The following NAB1 variants were observed in gnomAD, a reference collection of about 807,000 sequenced individuals.
NAB1 encodes the protein NGFI-A binding protein 1, also known as NGFI-A-binding protein 1.
NAB1 carries 25 observed loss-of-function variants against 49.9 expected under a neutral mutation model. The observed-to-expected ratio is 0.50, with a 90% CI of 0.37 to 0.70. NAB1 has a LOEUF of 0.70. Among genes scored for constraint, NAB1 ranks in the 30% least tolerant of loss-of-function variants. The probability of loss-of-function intolerance (pLI) is 0.00; values close to 1 mark genes in which losing one functional copy is unlikely to be tolerated. For synonymous variants in NAB1, 198 were observed against 215.6 expected (o/e 0.92, Z 0.71); for missense variants, 489 against 575.9 (o/e 0.85, Z 1.54).
In NAB1 at chr2:190,685,410, A is replaced by G; in HGVS notation, c.1096-66A>G. On this transcript the variant is annotated intron_variant, in intron 7 of 9. Coordinates refer to ENST00000337386, the MANE Select transcript of NAB1 (RefSeq NM_005966.4). This position sits in a 1 kb window ranked among gnomAD's most constrained non-coding sequence, Gnocchi z 4.5. ...ATATTTGCTGGAGTCTGAAATTGGC[A>G]TCTTTAAACCATTAAAAAATCTAGA... The G allele has an allele frequency of 7.1e-7, 1 of 1,405,122 alleles. No individual in the cohort carries two copies. The highest frequency in any genetic ancestry group is 9.5e-7 in the Non-Finnish European group (1 of 1,051,182). 87.0% of individuals were successfully genotyped at this position (1,405,122 alleles called of 1,614,324 possible).
At chr2:190,672,992 G>C in intron 5 of NAB1, 109 bp from the exon 6 acceptor site, 2 of 853,896 alleles carry the variant, frequency 2.3e-6, no homozygotes, top group Non-Finnish European at 3.7e-6. Context: ...TCTGGTGTTG[G>C]AGTTTCAGGG....
At chr2:190,650,462 A>G (rs1693606749) in intron 2 of NAB1, among the ~76,000 whole-genome samples, 1 of 152,240 alleles carries the variant, frequency 6.6e-6, no homozygotes, top group Non-Finnish European at 1.5e-5. Context: ...CGAATTTAAA[A>G]TAGATTAGTC....
rs547731200 is a variant in NAB1 at position 190,663,500 on chromosome 2, A to G, written c.819+3505A>G. 5.9e-5 allele frequency among the ~76,000 whole-genome samples: 9 copies of G among 152,328 alleles called. No individual in the cohort carries two copies. The South Asian group carries it at 1.2e-3, about 21-fold the overall frequency. On this transcript the variant is annotated intron_variant, in intron 4 of 9. Transcript: ENST00000337386. This position sits in a 1 kb window ranked among gnomAD's most constrained non-coding sequence, Gnocchi z 4.2. ...TGTTTGTGGCTGATTTTGAGCTACA[A>G]TGGTGAGTTAAGTAGTTGTGACACA... is the stretch of plus-strand genomic sequence containing the variant.
rs1385868353 is a variant in NAB1 at position 190,689,468 on chromosome 2, A to G, written c.1376-777A>G. Among the ~76,000 whole-genome samples the G allele has an allele frequency of 6.6e-6, 1 of 152,194 alleles. No homozygotes were observed. The highest frequency in any genetic ancestry group is 1.5e-5 in the Non-Finnish European group (1 of 68,028). On this transcript the variant is annotated intron_variant, in intron 9 of 9. Transcript: ENST00000337386. The surrounding 1 kb of genome is among the most constrained non-coding windows in gnomAD (Gnocchi z 4.3). ...AAATTGAGCTATTTAATTTCAGATAAGCTATTAGTATTGATTACTTTCTAG... is the reference window on the plus strand; with the variant it reads ...AAATTGAGCTATTTAATTTCAGATAGGCTATTAGTATTGATTACTTTCTAG...
intron 9 of NAB1, 54 bp downstream of exon 9, chr2:190,687,371 A>G: frequency 1.2e-6 from 1 of 845,968 alleles, no homozygotes; most frequent in African/African-American, 2.0e-5. Context: ...GCATCTTTAA[A>G]TTCTGTTCTA....
In NAB1 at chr2:190,685,981, A is replaced by G. The variant is rs979768240; in HGVS notation, c.1258+343A>G. Among the ~76,000 whole-genome samples the G allele has an allele frequency of 1.3e-5, 2 of 148,254 alleles. No homozygotes were observed. The highest frequency in any genetic ancestry group is 2.6e-5 in the African/African-American group (1 of 38,160). The stretch of plus-strand genomic sequence containing the variant: ...ATCCTTTTTAAATGACCAAAACTTC[A>G]TATTTTTTTAGACTTCAAAAACAAG... On this transcript the variant is annotated intron_variant, in intron 8 of 9. Transcript: ENST00000337386. This position sits in a 1 kb window ranked among gnomAD's most constrained non-coding sequence, Gnocchi z 4.5.
Position 190,663,673 on chromosome 2 carries a change from CTT to C in NAB1, c.819+3679_819+3680del, listed in dbSNP as rs1312329607. Among the ~76,000 whole-genome samples, 2 of 152,138 alleles carry C rather than the reference CTT, an allele frequency of 1.3e-5. No homozygotes were observed. The highest frequency in any genetic ancestry group is 2.9e-5 in the Non-Finnish European group (2 of 68,022). ...ACACGTGTATATATTTGTCTCCTCTCTTAGTTATTTTATTGTTCTTATCTAAC... is the reference window on the plus strand; with the variant it reads ...ACACGTGTATATATTTGTCTCCTCTCAGTTATTTTATTGTTCTTATCTAAC... On this transcript the variant is annotated intron_variant, in intron 4 of 9. Coordinates refer to ENST00000337386, the MANE Select transcript of NAB1 (RefSeq NM_005966.4). The surrounding 1 kb of genome is among the most constrained non-coding windows in gnomAD (Gnocchi z 4.2).
At chr2:190,661,362 A>G (rs1463432186) in intron 4 of NAB1, among the ~76,000 whole-genome samples, 1 of 152,232 alleles carries the variant, frequency 6.6e-6, no homozygotes, top group Non-Finnish European at 1.5e-5. Context: ...GAACCAGTAG[A>G]GGAATCCACT....
chr2:190,661,660 G>A (rs893052369), intron 4 of NAB1, among the ~76,000 whole-genome samples: 2 of 152,122 alleles, frequency 1.3e-5, no homozygotes, highest in Non-Finnish European at 2.9e-5. Flanking sequence ...CTTTAGATAA[G>A]TAGGTACATA....
At position 190,692,559 on chromosome 2, in the gene NAB1, T is replaced by C. The variant is rs1695977759; in HGVS notation, c.*2226T>C. On this transcript the variant is annotated 3_prime_UTR_variant, in exon 10 of 10. Transcript: ENST00000337386. The surrounding 1 kb of genome is among the most constrained non-coding windows in gnomAD (Gnocchi z 5.2). The stretch of plus-strand genomic sequence containing the variant: ...TGAATTGGAAGTTATAATTAGTTGA[T>C]TTTTTCATTTTGTTAGAGGTATTTT... The C allele has an allele frequency of 6.6e-6, 1 of 152,662 alleles. No individual in the cohort carries two copies. The highest frequency in any genetic ancestry group is 2.4e-5 in the African/African-American group (1 of 41,472). The allele number at this position is 152,662 out of a possible 1,614,324, so 9.5% of individuals were successfully genotyped here.
chr2:190,652,619 T>C lies in NAB1; in HGVS notation c.-197+2637T>C, dbSNP rs1693726532. Among the ~76,000 whole-genome samples the C allele has an allele frequency of 6.6e-6, 1 of 152,204 alleles. No homozygotes were observed. The highest frequency in any genetic ancestry group is 1.5e-5 in the Non-Finnish European group (1 of 68,032). On this transcript the variant is annotated intron_variant, in intron 2 of 9. Transcript: ENST00000337386. This position sits in a 1 kb window ranked among gnomAD's most constrained non-coding sequence, Gnocchi z 4.2. Reference sequence around the variant, plus strand: ...AGAAACGAATCAATAAGAGACAACATTTTAAGTTTCCCAAATTACAGTCAA... The same window carrying C: ...AGAAACGAATCAATAAGAGACAACACTTTAAGTTTCCCAAATTACAGTCAA...
At position 190,659,151 on chromosome 2, in the gene NAB1, TTG is replaced by T. The variant is rs1214081705; in HGVS notation, c.-19-6_-19-5del. On this transcript the variant is annotated splice_region_variant and splice_polypyrimidine_tract_variant and intron_variant, in intron 3 of 9. Transcript: ENST00000337386. This position sits in a 1 kb window ranked among gnomAD's most constrained non-coding sequence, Gnocchi z 6.2. ...TGAGTTTTTACTTTTTTTTTTTTTT[TTG>T]GCAGGTTAAACCCATCCAGAGTAAT... is the stretch of plus-strand genomic sequence containing the variant. The T allele has an allele frequency of 6.6e-6, 10 of 1,507,892 alleles. No individual in the cohort carries two copies. Among genetic ancestry groups the T allele is most frequent in the Admixed American group, 2.3e-5 (1 of 43,972 alleles). 93.4% of individuals were successfully genotyped at this position (1,507,892 alleles called of 1,614,324 possible).
In NAB1 at chr2:190,686,773, T is replaced by G. The variant is rs1055551430; in HGVS notation, c.1259-428T>G. Among the ~76,000 whole-genome samples, 5 of 152,106 alleles carry G rather than the reference T, an allele frequency of 3.3e-5. No homozygotes were observed. The highest frequency in any genetic ancestry group is 1.2e-4 in the African/African-American group (5 of 41,414). ...CCATATTTGTGCTAAATCTGTTTTT[T>G]CACGGATTTTGCTGTAGTTTTTTTT... is the stretch of plus-strand genomic sequence containing the variant. On this transcript the variant is annotated intron_variant, in intron 8 of 9. Coordinates refer to ENST00000337386, the MANE Select transcript of NAB1 (RefSeq NM_005966.4). This position sits in a 1 kb window ranked among gnomAD's most constrained non-coding sequence, Gnocchi z 5.5.
intron 5 of NAB1, among the ~76,000 whole-genome samples, chr2:190,671,558 C>CA (rs1694806040): frequency 1.3e-5 from 2 of 151,646 alleles, no homozygotes; most frequent in Admixed American, 6.6e-5. Flanking sequence ...TTGTATTATA[C>CA]ACTATTTTCT....
At position 190,651,498 on chromosome 2, in the gene NAB1, T is replaced by G. The variant is rs1693666819; in HGVS notation, c.-197+1516T>G. Reference sequence around the variant, plus strand: ...GGGACATCTTTGATGAATTTGTTAATGAACTTTAAATATTTAAAGTTCAGG... The same window carrying G: ...GGGACATCTTTGATGAATTTGTTAAGGAACTTTAAATATTTAAAGTTCAGG... On this transcript the variant is annotated intron_variant, in intron 2 of 9. Transcript: ENST00000337386. The surrounding 1 kb of genome is among the most constrained non-coding windows in gnomAD (Gnocchi z 4.3). Among the ~76,000 whole-genome samples, 1 of 152,212 alleles carries G rather than the reference T, an allele frequency of 6.6e-6. No homozygotes were observed. Among genetic ancestry groups the G allele is most frequent in the African/African-American group, 2.4e-5 (1 of 41,456 alleles).
At position 190,690,245 on chromosome 2, in the gene NAB1, A is replaced by C; in HGVS notation, c.1376A>C (p.Glu459Ala). ...TCACTTTGTTTCCATTTTTATGTAG[A>C]GAGCCTTGGGATTTTAAAAGACTAC... ...YPSEAKSHSS[E>A]SLGILKDYPH... The change falls in exon 10 of 10, where the codon GAG becomes GCG. Residue 459 changes from glutamate (E) to alanine (A), a missense_variant and splice_region_variant. By Grantham distance (107) the Glu-to-Ala change is moderately radical. Transcript: ENST00000337386. The C allele has an allele frequency of 6.2e-7, 1 of 1,604,764 alleles. No individual in the cohort carries two copies. The highest frequency in any genetic ancestry group is 8.5e-7 in the Non-Finnish European group (1 of 1,172,194).
In NAB1 at chr2:190,676,231, A is replaced by C. The variant is rs1411576539; in HGVS notation, c.1005+3079A>C. On this transcript the variant is annotated intron_variant, in intron 6 of 9. Transcript: ENST00000337386. The surrounding 1 kb of genome is among the most constrained non-coding windows in gnomAD (Gnocchi z 4.6). ...AGGGGATTGGGGTGGCATTATAAAG[A>C]TAGACTAGCATGGGCAAAGACAGAG... Among the ~76,000 whole-genome samples the C allele has an allele frequency of 1.3e-5, 2 of 152,178 alleles. No individual in the cohort carries two copies. Among genetic ancestry groups the C allele is most frequent in the African/African-American group, 4.8e-5 (2 of 41,444 alleles).
chr2:190,675,603 T>C lies in NAB1; in HGVS notation c.1005+2451T>C, dbSNP rs1210254431. Among the ~76,000 whole-genome samples, 1 of 152,184 alleles carries C rather than the reference T, an allele frequency of 6.6e-6. No individual in the cohort carries two copies. The highest frequency in any genetic ancestry group is 2.1e-4 in the South Asian group (1 of 4,830). Reference sequence around the variant, plus strand: ...AGCTCTGGATTCAAAATTAAGATAATCAGTGTTACTTTTCCCTGTGAATAA... The same window carrying C: ...AGCTCTGGATTCAAAATTAAGATAACCAGTGTTACTTTTCCCTGTGAATAA... On this transcript the variant is annotated intron_variant, in intron 6 of 9. Coordinates refer to ENST00000337386, the MANE Select transcript of NAB1 (RefSeq NM_005966.4). The surrounding 1 kb of genome is among the most constrained non-coding windows in gnomAD (Gnocchi z 5.2).
In NAB1 at chr2:190,683,815, T is replaced by A. The variant is rs1245950091; in HGVS notation, c.1083T>A (p.Ala361=). Residue 361 remains alanine, a synonymous_variant, in exon 7 of 10, where the codon GCT becomes GCA. Coordinates refer to ENST00000337386, the MANE Select transcript of NAB1 (RefSeq NM_005966.4). ...QARAKSEELA[A]LSSQQPEKVM... ...GAGCTAAGAGTGAAGAACTTGCAGC[T>A]CTTAGTTCACAGGTAACATAAACTC... The A allele has an allele frequency of 1.2e-6, 2 of 1,613,038 alleles. No homozygotes were observed. Among genetic ancestry groups the A allele is most frequent in the Non-Finnish European group, 8.5e-7 (1 of 1,179,406 alleles).
Sources: allele counts gnomAD v4.1 joint callset (sites outside exome capture counted in the v4.1 genomes callset), GRCh38; gene constraint gnomAD v4.1.1; non-coding constraint Gnocchi (gnomAD v3.1); transcripts MANE v1.5; gene names NCBI Gene and HGNC (gene_info 2026-07-23, HGNC 2026-07-21).